SMCHD1: variants seen among roughly 807,000 people sequenced by gnomAD.
The protein encoded by SMCHD1 is structural maintenance of chromosomes flexible hinge domain-containing protein 1.
A neutral mutation model predicts 254.7 loss-of-function variants in SMCHD1; 78 were observed. The observed-to-expected ratio is 0.31, with a 90% CI of 0.26 to 0.37. The LOEUF (loss-of-function observed/expected upper bound fraction) is 0.37, where lower values mean the gene tolerates loss of function less well. SMCHD1 is among the 10% of genes least tolerant of loss of function. The pLI, the probability that SMCHD1 is intolerant of heterozygous loss-of-function variation, is 1.00. For missense variants in SMCHD1, 1,840 were observed against 2,408.1 expected (o/e 0.76, Z 4.94); for synonymous variants, 766 against 794.9 (o/e 0.96, Z 0.61).
intron 30 of SMCHD1, among the ~76,000 whole-genome samples, chr18:2,748,869 G>A (rs1246058934): frequency 6.6e-6 from 1 of 152,164 alleles, no homozygotes; most frequent in East Asian, 1.9e-4. Context: ...TTGATATCAT[G>A]TAAAGATGAT....
At chr18:2,670,061 A>T (rs1162951685) in intron 3 of SMCHD1, among the ~76,000 whole-genome samples, 9 of 152,124 alleles carry the variant, frequency 5.9e-5, no homozygotes, top group Admixed American at 5.9e-4. Context: ...CTGTCTTTTC[A>T]TCCCTGTCCA....
rs1481857130 is a variant in SMCHD1 at position 2,703,834 on chromosome 18, C to G, written c.1790C>G (p.Ala597Gly). 2 of 1,612,446 alleles carry G rather than the reference C, an allele frequency of 1.2e-6. No individual in the cohort carries two copies. The highest frequency in any genetic ancestry group is 1.7e-6 in the Non-Finnish European group (2 of 1,179,194). ...DLPSKKQGPW[A>G]TYAAIEWDGK... Reference sequence around the variant, plus strand: ...CCTTCTAAAAAGCAAGGTCCCTGGGCAACATATGCAGCAATAGAATGGGAT... The same window carrying G: ...CCTTCTAAAAAGCAAGGTCCCTGGGGAACATATGCAGCAATAGAATGGGAT... The change falls in exon 13 of 48, where the codon GCA becomes GGA. Residue 597 changes from alanine to glycine, a missense_variant. By Grantham distance (60) the Ala-to-Gly change is moderately conservative. This residue lies in a region of SMCHD1 where 498 missense variants were observed against 743.5 expected (regional missense o/e 0.67). Coordinates refer to ENST00000320876, the MANE Select transcript of SMCHD1 (RefSeq NM_015295.3).
At chr18:2,783,933 A>G (rs998765053) in intron 44 of SMCHD1, among the ~76,000 whole-genome samples, 2 of 152,092 alleles carry the variant, frequency 1.3e-5, no homozygotes, top group Admixed American at 6.6e-5. Flanking sequence ...GTTTTTCTAC[A>G]TTATTTCAGT....
At chr18:2,714,292 T>C (rs547347905) in intron 17 of SMCHD1, among the ~76,000 whole-genome samples, 1 of 152,242 alleles carries the variant, frequency 6.6e-6, no homozygotes, top group Non-Finnish European at 1.5e-5. Flanking sequence ...TATCAGCTAC[T>C]CTTGCTCACT....
At chr18:2,692,389 A>G (rs1015041002) in intron 7 of SMCHD1, among the ~76,000 whole-genome samples, 18 of 152,316 alleles carry the variant, frequency 1.2e-4, no homozygotes, top group African/African-American at 4.3e-4. Context: ...CTCTTAAAAG[A>G]AAGAGATCAA....
chr18:2,672,866 AAAG>A (rs1160127305), intron 3 of SMCHD1, among the ~76,000 whole-genome samples: 1 of 152,204 alleles, frequency 6.6e-6, no homozygotes, highest in Non-Finnish European at 1.5e-5. Flanking sequence ...AATTTAAAAA[AAAG>A]ACACTTATTA....
At chr18:2,765,832 C>G (rs995779515) in intron 37 of SMCHD1, among the ~76,000 whole-genome samples, 1 of 152,038 alleles carries the variant, frequency 6.6e-6, no homozygotes, top group African/African-American at 2.4e-5. Flanking sequence ...TTCTTGTGCT[C>G]TAACAAAAAT....
chr18:2,678,761 T>A (rs994981429), intron 5 of SMCHD1, among the ~76,000 whole-genome samples: 1 of 152,160 alleles, frequency 6.6e-6, no homozygotes, highest in Non-Finnish European at 1.5e-5. Flanking sequence ...GATCTGCCAA[T>A]AACAAATTCC....
intron 34 of SMCHD1, among the ~76,000 whole-genome samples, chr18:2,754,782 T>G (rs189100691): frequency 1.3e-5 from 2 of 152,124 alleles, no homozygotes; most frequent in Admixed American, 1.3e-4. Context: ...GGATAGCACT[T>G]TAGGTTTGCT....
At chr18:2,774,152 A>T (rs528381645) in intron 41 of SMCHD1, among the ~76,000 whole-genome samples, 16 of 152,244 alleles carry the variant, frequency 1.1e-4, no homozygotes, top group South Asian at 2.1e-4. Context: ...AACATATTAT[A>T]GTTATACTTA....
intron 3 of SMCHD1, among the ~76,000 whole-genome samples, chr18:2,671,695 A>G (rs911466237): frequency 6.9e-6 from 1 of 145,970 alleles, no homozygotes; most frequent in African/African-American, 2.6e-5. Context: ...TCCCGGGTTC[A>G]CGCCATTCTC....
intron 47 of SMCHD1, chr18:2,796,801 T>A: frequency 3.1e-6 from 1 of 326,398 alleles, no homozygotes; most frequent in Non-Finnish European, 5.6e-6. Flanking sequence ...CAGGCTAATC[T>A]CAAACTCCTG....
chr18:2,791,485 T>C (rs2076164311), intron 45 of SMCHD1, among the ~76,000 whole-genome samples: 1 of 152,188 alleles, frequency 6.6e-6, no homozygotes, highest in Non-Finnish European at 1.5e-5. Flanking sequence ...CTGAGGTTGC[T>C]GTGAGCCGTG....
intron 1 of SMCHD1, 91 bp downstream of exon 1, chr18:2,656,352 C>CTGTCT: frequency 8.4e-7 from 1 of 1,185,398 alleles, no homozygotes; most frequent in Non-Finnish European, 1.1e-6. Context: ...GGCAATAAAC[C>CTGTCT]TGTCACCCGG....
At chr18:2,777,316 A>C (rs2076084484) in intron 42 of SMCHD1, among the ~76,000 whole-genome samples, 1 of 152,180 alleles carries the variant, frequency 6.6e-6, no homozygotes, top group Non-Finnish European at 1.5e-5. Flanking sequence ...CACCCCAATC[A>C]ACTACCATCT....
At chr18:2,661,743 A>T (rs1007908742) in intron 1 of SMCHD1, among the ~76,000 whole-genome samples, 8 of 152,244 alleles carry the variant, frequency 5.3e-5, no homozygotes, top group Non-Finnish European at 4.4e-5. Context: ...AGGTGCTAGC[A>T]TTCCTATCCG....
At chr18:2,779,054 T>A (rs925849003) in intron 44 of SMCHD1, 1 of 152,206 alleles carries the variant, frequency 6.6e-6, no homozygotes, top group African/African-American at 2.4e-5. Context: ...TTGACTGGTC[T>A]TGTAAAAAGT....
In SMCHD1 at chr18:2,777,934, A is replaced by C. The variant is rs781551856; in HGVS notation, c.5476+19A>C. ...GAAACAGGTAAAAGACATTATGGTG[A>C]CTTTACTTTTGTACAGATGTTAAAT... On this transcript the variant is annotated intron_variant, in intron 43 of 47. Coordinates refer to ENST00000320876, the MANE Select transcript of SMCHD1 (RefSeq NM_015295.3). The C allele has an allele frequency of 3.5e-6, 5 of 1,409,226 alleles. No homozygotes were observed. In the South Asian group the frequency reaches 6.7e-5, roughly 19 times the overall value. The allele number at this position is 1,409,226 out of a possible 1,614,324, so 87.3% of individuals were successfully genotyped here.
rs187332631 is a variant in SMCHD1, at chr18:2,763,523, T to G, written c.4567-114T>G. The G allele has an allele frequency of 4.6e-5, 39 of 841,942 alleles. No homozygotes were observed. In the African/African-American group the frequency reaches 5.9e-4, roughly 13 times the overall value. 52.2% of individuals were successfully genotyped at this position (841,942 alleles called of 1,614,324 possible). A position where few individuals can be genotyped will look rare whatever the true frequency, so the allele number is the denominator to read the frequency against. On this transcript the variant is annotated intron_variant, in intron 36 of 47. Transcript: ENST00000320876. ...AATTTTGTGCTTAGACTAAGAAAGA[T>G]CCAGATAATTTAATGTTGGGGGCTC...
Sources: gnomAD v4.1 joint callset for allele counts (sites outside exome capture counted in the v4.1 genomes callset) on GRCh38, gnomAD v4.1.1 for gene constraint, gnomAD v4.1.1 regional missense constraint, MANE v1.5 for transcripts, NCBI Gene and HGNC (gene_info 2026-07-23, HGNC 2026-07-21) for gene names.